MYH10: variants seen among roughly 807,000 people sequenced by gnomAD.
MYH10 encodes the protein myosin heavy chain 10.
In MYH10, 55 loss-of-function variants were observed where a neutral mutation model predicts 257.8. The observed-to-expected ratio is 0.21, with a 90% CI of 0.17 to 0.27. The LOEUF is 0.27. MYH10 is among the 10% of genes least tolerant of loss of function. The probability of loss-of-function intolerance (pLI) is 1.00; values close to 1 mark genes in which losing one functional copy is unlikely to be tolerated. For missense variants in MYH10, 1,631 were observed against 2,500.6 expected (o/e 0.65, Z 7.42); for synonymous variants, 854 against 921.7 (o/e 0.93, Z 1.33).
At position 8,475,807 on chromosome 17, in the gene MYH10, C is replaced by T. The variant is rs766299041; in HGVS notation, c.6021G>A (p.Glu2007=). ...DVNETQPPQS[E] Reference sequence around the variant, plus strand: ...CCTCCTCTGGCTTCCTGCAACTTTACTCTGACTGGGGTGGCTGCGTCTCGT... The same window carrying T: ...CCTCCTCTGGCTTCCTGCAACTTTATTCTGACTGGGGTGGCTGCGTCTCGT... Residue 2007 remains glutamate (E), a synonymous_variant, in exon 43 of 43, where the codon GAG becomes GAA. Coordinates refer to ENST00000360416, the MANE Select transcript of MYH10 (RefSeq NM_001256012.3). 2.5e-6 allele frequency: 4 copies of T among 1,613,934 alleles called. No individual in the cohort carries two copies. The highest frequency in any genetic ancestry group is 3.4e-6 in the Non-Finnish European group (4 of 1,179,876).
At chr17:8,561,371 G>A (rs1212765547) in intron 7 of MYH10, 1 of 1,141,436 alleles carries the variant, frequency 8.8e-7, no homozygotes, top group Non-Finnish European at 1.3e-6. Context: ...AGTGGAGGCC[G>A]CAGCAGTCAG....
chr17:8,628,319 G>C (rs551345782), intron 1 of MYH10, among the ~76,000 whole-genome samples: 12 of 152,174 alleles, frequency 7.9e-5, no homozygotes, highest in Admixed American at 2.0e-4. Context: ...CCTTTCAGTG[G>C]TTTGACACAC....
At chr17:8,561,674 G>T (rs1479959716) in intron 7 of MYH10, 8 of 641,598 alleles carry the variant, frequency 1.2e-5, no homozygotes, top group South Asian at 1.8e-5. Context: ...TGGGGCCTCT[G>T]AACAGGTGAG....
chr17:8,559,869 C>T (rs1351703376), intron 7 of MYH10, among the ~76,000 whole-genome samples: 1 of 152,106 alleles, frequency 6.6e-6, no homozygotes, highest in Non-Finnish European at 1.5e-5. Context: ...TATACACTAC[C>T]TCATTGAGTT....
chr17:8,506,524 C>G lies in MYH10; in HGVS notation c.3215-35G>C. 1 of 1,587,122 alleles carries G rather than the reference C, an allele frequency of 6.3e-7. No individual in the cohort carries two copies. The highest frequency in any genetic ancestry group is 1.7e-4 in the Middle Eastern group (1 of 5,974). ...AAGACATAAGAAGCTCTTCAACACA[C>G]CGAGTGACTCACCACAGGAATAAAC... On this transcript the variant is annotated intron_variant, in intron 26 of 42. Transcript: ENST00000360416. This position sits in a 1 kb window ranked among gnomAD's most constrained non-coding sequence, Gnocchi z 5.0.
intron 7 of MYH10, among the ~76,000 whole-genome samples, chr17:8,554,582 G>A (rs2082731067): frequency 6.6e-6 from 1 of 151,946 alleles, no homozygotes; most frequent in Non-Finnish European, 1.5e-5. Context: ...AGGGAAAGAG[G>A]AAAATCGTGA....
rs780658326 is a variant in MYH10, at chr17:8,499,357, G to A, written c.3864C>T (p.Leu1288=). ...CATGGAGCTCCTGGACCTGCGCGTC[G>A]AGCTTCTTCCTCTTGTGCTCAGACT... ...KAESEHKRKK[L]DAQVQELHAK... The change falls in exon 30 of 43, where the codon CTC becomes CTT. Residue 1288 remains leucine (L), a synonymous_variant. Coordinates refer to ENST00000360416, the MANE Select transcript of MYH10 (RefSeq NM_001256012.3). The A allele has an allele frequency of 1.2e-5, 20 of 1,613,970 alleles. No homozygotes were observed. The highest frequency in any genetic ancestry group is 1.1e-4 in the South Asian group (10 of 91,078).
intron 11 of MYH10, among the ~76,000 whole-genome samples, 164 bp from the exon 12 acceptor site, chr17:8,546,826 C>T (rs1411840425): frequency 6.6e-6 from 1 of 152,152 alleles, no homozygotes; most frequent in Non-Finnish European, 1.5e-5. Context: ...AAATACCTTC[C>T]ATCTTTTCAA....
Position 8,545,746 on chromosome 17 carries a change from A to C in MYH10, c.1279-146T>G. On this transcript the variant is annotated intron_variant, in intron 12 of 42. Transcript: ENST00000360416. The surrounding 1 kb of genome is among the most constrained non-coding windows in gnomAD (Gnocchi z 4.7). ...AATCATGTCTCAATTTTACACATCA[A>C]TAGAAGGCAATATTAGAAGAATTAA... 1 of 728,778 alleles carries C rather than the reference A, an allele frequency of 1.4e-6. No homozygotes were observed. Among genetic ancestry groups the C allele is most frequent in the Non-Finnish European group, 2.2e-6 (1 of 455,636 alleles). 45.1% of individuals were successfully genotyped at this position (728,778 alleles called of 1,614,324 possible).
chr17:8,535,651 ATTTG>A lies in MYH10; in HGVS notation c.1779+103_1779+106del. ...ACAATATGTTTGTAATATATACTGT[ATTTG>A]TTTATAAATGTTTATCAGCACCTTT... On this transcript the variant is annotated intron_variant, in intron 15 of 42. Coordinates refer to ENST00000360416, the MANE Select transcript of MYH10 (RefSeq NM_001256012.3). This position sits in a 1 kb window ranked among gnomAD's most constrained non-coding sequence, Gnocchi z 4.3. 1 of 1,281,326 alleles carries A rather than the reference ATTTG, an allele frequency of 7.8e-7. No individual in the cohort carries two copies. The highest frequency in any genetic ancestry group is 1.1e-6 in the Non-Finnish European group (1 of 914,900). The allele number at this position is 1,281,326 out of a possible 1,614,324, so 79.4% of individuals were successfully genotyped here. A position where few individuals can be genotyped will look rare whatever the true frequency, so the allele number is the denominator to read the frequency against.
At chr17:8,585,122 C>G (rs184837799) in intron 4 of MYH10, among the ~76,000 whole-genome samples, 1 of 151,456 alleles carries the variant, frequency 6.6e-6, no homozygotes, top group African/African-American at 2.4e-5. Context: ...GGATTACAGG[C>G]GTGAGCCATC....
chr17:8,512,688 C>T (rs1935230434), intron 23 of MYH10, 31 bp from the exon 24 acceptor site: 1 of 1,580,176 alleles, frequency 6.3e-7, no homozygotes, highest in African/African-American at 1.3e-5. Flanking sequence ...CTGTGATTTG[C>T]CCCTATTACA....
rs779487492 is a variant in MYH10, at chr17:8,552,192, T to C, written c.821-48A>G. ...TAAATTATTTAATATAATTCTTAAA[T>C]AAATAAAGGCCCTCTTTCAGCGTCT... On this transcript the variant is annotated intron_variant, in intron 8 of 42. Coordinates refer to ENST00000360416, the MANE Select transcript of MYH10 (RefSeq NM_001256012.3). The surrounding 1 kb of genome is among the most constrained non-coding windows in gnomAD (Gnocchi z 4.8). 4.3e-6 allele frequency: 4 copies of C among 936,258 alleles called. No homozygotes were observed. Among genetic ancestry groups the C allele is most frequent in the Non-Finnish European group, 6.1e-6 (4 of 659,586 alleles). 58.0% of individuals were successfully genotyped at this position (936,258 alleles called of 1,614,324 possible).
intron 34 of MYH10, 21 bp downstream of exon 34, chr17:8,492,276 G>A (rs761391497): frequency 6.2e-7 from 1 of 1,607,402 alleles, no homozygotes; most frequent in Admixed American, 1.7e-5. Context: ...GCGGAAGTGT[G>A]GAGCCCACCA....
chr17:8,518,663 G>A lies in MYH10; in HGVS notation c.2472C>T (p.Phe824=), dbSNP rs2081554904. ...DLKITDIIIF[F]QAVCRGYLAR... ...CCAGGTAACCTCTGCAAACGGCCTG[G>A]AAGAAGATAATGATATCGGTGATTT... Residue 824 remains phenylalanine (F), a synonymous_variant, in exon 21 of 43, where the codon TTC becomes TTT. Transcript: ENST00000360416. The A allele has an allele frequency of 6.2e-7, 1 of 1,613,652 alleles. No homozygotes were observed. Among genetic ancestry groups the A allele is most frequent in the Non-Finnish European group, 8.5e-7 (1 of 1,179,946 alleles).
chr17:8,567,584 G>A (rs1256151785), intron 7 of MYH10, among the ~76,000 whole-genome samples: 1 of 152,062 alleles, frequency 6.6e-6, no homozygotes, highest in African/African-American at 2.4e-5. Context: ...ATTAAAAAAG[G>A]GTCATTAGGG....
rs557007256 is a variant in MYH10 at position 8,496,109 on chromosome 17, G to A, written c.3952-868C>T. Among the ~76,000 whole-genome samples, 12 of 152,108 alleles carry A rather than the reference G, an allele frequency of 7.9e-5. No individual in the cohort carries two copies. In the East Asian group the frequency reaches 1.2e-3, roughly 15 times the overall value. ...TTTAATTAATAATATTTTTTTCTTCGCAATTAATGATATTTCTAAAATATT... is the reference window on the plus strand; with the variant it reads ...TTTAATTAATAATATTTTTTTCTTCACAATTAATGATATTTCTAAAATATT... On this transcript the variant is annotated intron_variant, in intron 30 of 42. Transcript: ENST00000360416.
chr17:8,525,123 T>C (rs533084533), intron 17 of MYH10, among the ~76,000 whole-genome samples: 1 of 152,356 alleles, frequency 6.6e-6, no homozygotes, highest in African/African-American at 2.4e-5. Context: ...CATTCCATCC[T>C]TTTCTCTCTG....
At chr17:8,525,234 G>A (rs1597735182) in intron 17 of MYH10, among the ~76,000 whole-genome samples, 1 of 152,114 alleles carries the variant, frequency 6.6e-6, no homozygotes, top group East Asian at 1.9e-4. Flanking sequence ...TCTTATGCTC[G>A]GTTTTCACCC....
Sources: gnomAD v4.1 joint callset for allele counts (sites outside exome capture counted in the v4.1 genomes callset) on GRCh38, gnomAD v4.1.1 for gene constraint, Gnocchi (gnomAD v3.1) non-coding constraint, MANE v1.5 for transcripts, NCBI Gene and HGNC (gene_info 2026-07-23, HGNC 2026-07-21) for gene names.